NCAM2: variants seen among roughly 807,000 people sequenced by gnomAD.
NCAM2 encodes the protein neural cell adhesion molecule 2.
A neutral mutation model predicts 98.1 loss-of-function variants in NCAM2; 30 were observed. The observed-to-expected ratio is 0.31, with a 90% CI of 0.23 to 0.41. NCAM2 has a LOEUF of 0.41. Among genes scored for constraint, NCAM2 ranks in the 10% least tolerant of loss-of-function variants. NCAM2 has a pLI of 1.00. For synonymous variants in NCAM2, 368 were observed against 342.4 expected, an observed-to-expected ratio of 1.07 and a Z score of -0.83; for missense variants, 867 against 1,005.8, an observed-to-expected ratio of 0.86 and a Z score of 1.87.
rs146393023 is a variant in NCAM2 at position 21,081,810 on chromosome 21, G to T, written c.55+83192G>T. ...AATGAGACTCCCTCTCAAAGAAAAA[G>T]AAAAAAAAAGAAAAAAAAATTATCT... On this transcript the variant is annotated intron_variant, in intron 1 of 17. Transcript: ENST00000400546. Among the ~76,000 whole-genome samples the T allele has an allele frequency of 8.3e-3, 1,211 of 145,454 alleles. 7 individuals carry two copies. The highest frequency in any genetic ancestry group is 0.016 in the African/African-American group (607 of 39,154).
chr21:21,111,422 G>C (rs1030948633), intron 1 of NCAM2, among the ~76,000 whole-genome samples: 1 of 152,152 alleles, frequency 6.6e-6, no homozygotes, highest in African/African-American at 2.4e-5. Flanking sequence ...ATCAGGCTAA[G>C]CTCTGGGACA....
chr21:21,327,462 C>G (rs1473387696), intron 6 of NCAM2, among the ~76,000 whole-genome samples: 1 of 151,936 alleles, frequency 6.6e-6, no homozygotes, highest in Non-Finnish European at 1.5e-5. Flanking sequence ...AACAGCAATC[C>G]TTTTTTGTTT....
In NCAM2 at chr21:21,261,361, A is replaced by G. The variant is rs551061926; in HGVS notation, c.56-19217A>G. On this transcript the variant is annotated intron_variant, in intron 1 of 17. Transcript: ENST00000400546. ...CAAAATGTACCTAATAGATATCTACAAAACATCTACCCAACAGCTGGAAAA... is the reference window on the plus strand; with the variant it reads ...CAAAATGTACCTAATAGATATCTACGAAACATCTACCCAACAGCTGGAAAA... 2.6e-5 allele frequency among the ~76,000 whole-genome samples: 4 copies of G among 152,300 alleles called. No homozygotes were observed. The South Asian group carries it at 8.3e-4, about 32-fold the overall frequency.
intron 1 of NCAM2, among the ~76,000 whole-genome samples, chr21:21,032,192 T>C (rs1413643337): frequency 1.3e-5 from 2 of 151,898 alleles, no homozygotes; most frequent in African/African-American, 4.8e-5. Context: ...ATAAATAATA[T>C]TTTCTTAGAA....
At chr21:21,365,947 G>A (rs2075774747) in intron 8 of NCAM2, among the ~76,000 whole-genome samples, 1 of 141,166 alleles carries the variant, frequency 7.1e-6, no homozygotes, top group South Asian at 2.4e-4. Context: ...TTAGTTCTTT[G>A]AAAAAGCTTT....
At chr21:21,056,826 C>G (rs187719085) in intron 1 of NCAM2, among the ~76,000 whole-genome samples, 43 of 152,012 alleles carry the variant, frequency 2.8e-4, no homozygotes, top group East Asian at 7.7e-4. Flanking sequence ...CACGGGAAGC[C>G]TGGAGATTTC....
intron 1 of NCAM2, among the ~76,000 whole-genome samples, chr21:21,247,935 C>T (rs2071338523): frequency 6.6e-6 from 1 of 151,906 alleles, no homozygotes; most frequent in South Asian, 2.1e-4. Flanking sequence ...CTCTTCAATT[C>T]TTTTAATTTA....
chr21:21,301,314 G>T (rs1350045837), intron 5 of NCAM2, among the ~76,000 whole-genome samples: 2 of 151,640 alleles, frequency 1.3e-5, no homozygotes, highest in Non-Finnish European at 2.9e-5. Context: ...TTGCGAAATT[G>T]GATGTCTAGA....
chr21:21,463,237 G>A (rs1983229140), intron 12 of NCAM2, among the ~76,000 whole-genome samples: 1 of 151,992 alleles, frequency 6.6e-6, no homozygotes, highest in Admixed American at 6.6e-5. Context: ...ATTTAAGAAA[G>A]GCAAGTCAAA....
At chr21:21,265,456 A>AT in intron 1 of NCAM2, among the ~76,000 whole-genome samples, 1 of 141,784 alleles carries the variant, frequency 7.1e-6, no homozygotes, top group East Asian at 2.0e-4. Context: ...ACACACATAT[A>AT]TAATATATGT....
At chr21:21,450,523 T>A (rs1385285774) in intron 12 of NCAM2, among the ~76,000 whole-genome samples, 1 of 151,714 alleles carries the variant, frequency 6.6e-6, no homozygotes, top group Non-Finnish European at 1.5e-5. Context: ...AGAGAAGAGG[T>A]CTTGCTGTGT....
Position 21,509,002 on chromosome 21 carries a change from A to G in NCAM2, c.2229A>G (p.Lys743=), listed in dbSNP as rs376916039. 449 of 1,613,414 alleles carry G rather than the reference A, an allele frequency of 2.8e-4. No homozygotes were observed. The highest frequency in any genetic ancestry group is 7.5e-4 in the Admixed American group (45 of 59,944). ...TCACTAGGAGAATGTGTGGAAAGAA[A>G]AGTGGCTCCAGTGGCAAAAGTAAAG... ...MCITRRMCGK[K]SGSSGKSKEL... is the part of the protein sequence containing the mutation. The change falls in exon 16 of 18, where the codon AAA becomes AAG. Residue 743 remains lysine (K), a synonymous_variant. Coordinates refer to ENST00000400546, the MANE Select transcript of NCAM2 (RefSeq NM_004540.5).
intron 1 of NCAM2, among the ~76,000 whole-genome samples, chr21:21,098,648 T>C (rs1015045706): frequency 1.3e-5 from 2 of 151,822 alleles, no homozygotes; most frequent in Non-Finnish European, 2.9e-5. Context: ...GCAGTGAAAT[T>C]AGTTTGACTT....
chr21:21,525,451 A>T (rs1289145275), intron 16 of NCAM2, among the ~76,000 whole-genome samples: 1 of 152,174 alleles, frequency 6.6e-6, no homozygotes, highest in Non-Finnish European at 1.5e-5. Flanking sequence ...AGGCGCAATC[A>T]GCTAAATGTC....
At chr21:21,136,403 T>A (rs2067050356) in intron 1 of NCAM2, among the ~76,000 whole-genome samples, 1 of 151,980 alleles carries the variant, frequency 6.6e-6, no homozygotes, top group Non-Finnish European at 1.5e-5. Context: ...AAAATCTTTC[T>A]GATGGATTTA....
At chr21:21,206,282 G>A (rs1278557060) in intron 1 of NCAM2, among the ~76,000 whole-genome samples, 1 of 152,020 alleles carries the variant, frequency 6.6e-6, no homozygotes, top group East Asian at 1.9e-4. Flanking sequence ...CCTTAGGTAG[G>A]ACAGAATTTT....
intron 1 of NCAM2, among the ~76,000 whole-genome samples, chr21:21,007,968 A>G (rs935906365): frequency 1.3e-5 from 2 of 152,108 alleles, no homozygotes; most frequent in Non-Finnish European, 2.9e-5. Flanking sequence ...TTTTATATCC[A>G]TTCTCTCACT....
chr21:21,025,286 C>G (rs1346018903), intron 1 of NCAM2, among the ~76,000 whole-genome samples: 1 of 152,054 alleles, frequency 6.6e-6, no homozygotes, highest in South Asian at 2.1e-4. Context: ...GGGGTTTCAC[C>G]GTGTTAGCCA....
rs113451074 is a variant in NCAM2, at chr21:21,073,718, C to G, written c.55+75100C>G. ...AATATCTGGAGGTATGAAGCCCACT[C>G]CATACAACCACATTGTCCAGTCCAG... On this transcript the variant is annotated intron_variant, in intron 1 of 17. Coordinates refer to ENST00000400546, the MANE Select transcript of NCAM2 (RefSeq NM_004540.5). Among the ~76,000 whole-genome samples, 57 of 152,322 alleles carry G rather than the reference C, an allele frequency of 3.7e-4. 1 individual carries two copies. The highest frequency in any genetic ancestry group is 1.3e-3 in the African/African-American group (54 of 41,576).
Sources: gnomAD v4.1 joint callset for allele counts (sites outside exome capture counted in the v4.1 genomes callset) on GRCh38, gnomAD v4.1.1 for gene constraint, MANE v1.5 for transcripts, NCBI Gene and HGNC (gene_info 2026-07-23, HGNC 2026-07-21) for gene names.